The following C1orf35 variants were observed in gnomAD, a reference collection of about 807,000 sequenced individuals.
C1orf35 encodes the protein multiple myeloma tumor-associated protein 2.
A neutral mutation model predicts 30.9 loss-of-function variants in C1orf35; 36 were observed. The observed-to-expected ratio is 1.16, with a 90% confidence interval of 0.89 to 1.54. The LOEUF is 1.54. Among genes scored for constraint, C1orf35 ranks in the 40% most tolerant of loss-of-function variants. C1orf35 has a pLI of 0.00. For missense variants in C1orf35, 396 were observed against 358.7 expected (o/e 1.10, Z -0.84); for synonymous variants, 179 against 148.2 (o/e 1.21, Z -1.51).
chr1:228,103,069 G>T lies in C1orf35; in HGVS notation c.95-20C>A. On this transcript the variant is annotated intron_variant, in intron 1 of 7. Transcript: ENST00000272139. ...AGTTGCCTGCGGACGTAGACGCTGT[G>T]AGTCCAGCGCCCGCCCGGGATCCCG... 6.2e-7 allele frequency: 1 copy of T among 1,604,734 alleles called. No homozygotes were observed.
Position 228,102,990 on chromosome 1 carries a change from C to A in C1orf35, c.154G>T (p.Ala52Ser). 1 of 1,547,700 alleles carries A rather than the reference C, an allele frequency of 6.5e-7. No homozygotes were observed. Among genetic ancestry groups the A allele is most frequent in the Non-Finnish European group, 8.7e-7 (1 of 1,151,624 alleles). ...CCCGCGCATGGCGCCCGGCCCTTGG[C>A]GTACCAGGTGAGGTCGCGGCCCTTC... ...WQKGRDLTWY[A>S]KGRAPCAGPS... Residue 52 changes from alanine (A) to serine (S), a missense_variant, in exon 2 of 8, where the codon GCC (alanine) becomes TCC (serine). Ala to Ser is a moderately conservative substitution (Grantham distance 99). Coordinates refer to ENST00000272139, the MANE Select transcript of C1orf35 (RefSeq NM_024319.4).
At chr1:228,102,876 C>G in intron 2 of C1orf35, 23 bp downstream of exon 2, 2 of 1,391,336 alleles carry the variant, frequency 1.4e-6, no homozygotes, top group Non-Finnish European at 1.9e-6. Flanking sequence ...AGGCACCGAC[C>G]GCTGCCGTCC....
At chr1:228,101,970 G>A in intron 6 of C1orf35, 110 bp downstream of exon 6, 3 of 1,428,040 alleles carry the variant, frequency 2.1e-6, no homozygotes, top group Non-Finnish European at 2.7e-6. Context: ...CAGGCCACCC[G>A]CCGGGCCGGT....
At position 228,102,361 on chromosome 1, in the gene C1orf35, C is replaced by A. The variant is rs1332455621; in HGVS notation, c.396G>T (p.Ala132=). ...CGGCCTCCTTGTCCTCTCGGGACAT[C>A]GCCACGCGGCCCACGGAGCCACTGC... ...GSASGSVGRV[A]MSREDKEAAK... is the part of the protein sequence containing the mutation. Residue 132 remains alanine (A), a synonymous_variant, in exon 5 of 8, where the codon GCG becomes GCT. Coordinates refer to ENST00000272139, the MANE Select transcript of C1orf35 (RefSeq NM_024319.4). The A allele has an allele frequency of 6.2e-7, 1 of 1,611,152 alleles. No homozygotes were observed. The highest frequency in any genetic ancestry group is 1.1e-5 in the South Asian group (1 of 91,040).
chr1:228,103,222 G>A lies in C1orf35; in HGVS notation c.6C>T (p.Phe2=). 1 of 1,609,566 alleles carries A rather than the reference G, an allele frequency of 6.2e-7. No individual in the cohort carries two copies. Among genetic ancestry groups the A allele is most frequent in the Non-Finnish European group, 8.5e-7 (1 of 1,178,806 alleles). The change falls in exon 1 of 8, where the codon TTC becomes TTT. Residue 2 remains phenylalanine, a synonymous_variant. Coordinates refer to ENST00000272139, the MANE Select transcript of C1orf35 (RefSeq NM_024319.4). ...CGCGCACGCCTCCACGACTGGAGCC[G>A]AACATGGCGCCGGGAAGGCAGTTGC... M[F]GSSRGGVRGG...
chr1:228,102,803 T>TGGCCCC, intron 2 of C1orf35, 96 bp downstream of exon 2: 46 of 1,187,364 alleles, frequency 3.9e-5, no homozygotes, highest in Non-Finnish European at 5.1e-5. Context: ...GCAGCCCCGC[T>TGGCCCC]CCCGCCCAGC....
rs777130616 is a variant in C1orf35 at position 228,102,290 on chromosome 1, C to G, written c.447+20G>C. ...CACCCCTGTTAGCCCCTGCTGCGGT[C>G]AGGCGGGGCGGGGGATTACCGTGAA... On this transcript the variant is annotated intron_variant, in intron 5 of 7. Coordinates refer to ENST00000272139, the MANE Select transcript of C1orf35 (RefSeq NM_024319.4). 1 of 1,609,158 alleles carries G rather than the reference C, an allele frequency of 6.2e-7. No individual in the cohort carries two copies. Among genetic ancestry groups the G allele is most frequent in the Non-Finnish European group, 8.5e-7 (1 of 1,179,128 alleles).
chr1:228,101,221 G>A lies in C1orf35; in HGVS notation c.702C>T (p.Asn234=), dbSNP rs2032936369. 1.9e-6 allele frequency: 3 copies of A among 1,614,074 alleles called. No individual in the cohort carries two copies. The highest frequency in any genetic ancestry group is 2.5e-6 in the Non-Finnish European group (3 of 1,180,048). ...GCTTCCTCCTCTTACAGCAGGGGGA[G>A]TTGGAGTCGGAGTCATGGTGGTGGT... ...PRHHHHDSDS[N]SPCCKRRKRG... The change falls in exon 8 of 8, where the codon AAC becomes AAT. Residue 234 remains asparagine, a synonymous_variant. Coordinates refer to ENST00000272139, the MANE Select transcript of C1orf35 (RefSeq NM_024319.4).
Position 228,100,774 on chromosome 1 carries a change from A to T in C1orf35, c.*357T>A, listed in dbSNP as rs1454427190. On this transcript the variant is annotated 3_prime_UTR_variant, in exon 8 of 8. Transcript: ENST00000272139. ...TATTGAAATACAAAGAGTCAATATA[A>T]AGAAAAATAGAGGTCACCATACTTG... The T allele has an allele frequency of 1.3e-5, 3 of 234,110 alleles. No homozygotes were observed. The highest frequency in any genetic ancestry group is 6.7e-5 in the African/African-American group (3 of 44,470). 14.5% of individuals were successfully genotyped at this position (234,110 alleles called of 1,614,324 possible). A position where few individuals can be genotyped will look rare whatever the true frequency, so the allele number is the denominator to read the frequency against.
chr1:228,102,590 G>T, intron 3 of C1orf35, 30 bp from the exon 4 acceptor site: 2 of 1,578,216 alleles, frequency 1.3e-6, no homozygotes, highest in South Asian at 2.3e-5. Flanking sequence ...GGGAGCGCTC[G>T]AGTCGGCCCC....
chr1:228,103,278 G>T lies in C1orf35; in HGVS notation c.-51C>A, dbSNP rs1352376530. 1.9e-6 allele frequency: 3 copies of T among 1,589,278 alleles called. No individual in the cohort carries two copies. Among genetic ancestry groups the T allele is most frequent in the Admixed American group, 1.7e-5 (1 of 57,698 alleles). ...GCCTGCGGCTTGCAACCTGCAACCCGCAACCCGAGACCCGCTACCCACTAC... is the reference window on the plus strand; with the variant it reads ...GCCTGCGGCTTGCAACCTGCAACCCTCAACCCGAGACCCGCTACCCACTAC... On this transcript the variant is annotated 5_prime_UTR_variant, in exon 1 of 8. Coordinates refer to ENST00000272139, the MANE Select transcript of C1orf35 (RefSeq NM_024319.4).
At chr1:228,101,278 T>A in intron 7 of C1orf35, 24 bp from the exon 8 acceptor site, 2 of 1,614,082 alleles carry the variant, frequency 1.2e-6, no homozygotes, top group Non-Finnish European at 1.7e-6. Flanking sequence ...TGGCAGTCAG[T>A]CACTCGGAAG....
At chr1:228,102,260 C>CGCCCCACCCCTGTTA (rs764775944) in intron 5 of C1orf35, 50 bp downstream of exon 5, 1 of 1,593,662 alleles carries the variant, frequency 6.3e-7, no homozygotes, top group Non-Finnish European at 8.5e-7. Context: ...GCCCCCGCCC[C>CGCCCCACCCCTGTTA]GCCCCACCCC....
chr1:228,103,321 A>T lies in C1orf35; in HGVS notation c.-94T>A. On this transcript the variant is annotated 5_prime_UTR_variant, in exon 1 of 8. Transcript: ENST00000272139. The stretch of plus-strand genomic sequence containing the variant: ...CCCACTACCGTCGGACCCAGGCCCG[A>T]CCCCGCCTCCGCGTCGCGCGCCGTG... 7.1e-7 allele frequency: 1 copy of T among 1,417,474 alleles called. No homozygotes were observed. Among genetic ancestry groups the T allele is most frequent in the Non-Finnish European group, 9.4e-7 (1 of 1,059,804 alleles). The allele number at this position is 1,417,474 out of a possible 1,614,324, so 87.8% of individuals were successfully genotyped here.
chr1:228,102,729 C>A lies in C1orf35; in HGVS notation c.246-41G>T, dbSNP rs541821353. The A allele has an allele frequency of 9.5e-6, 15 of 1,586,498 alleles. No homozygotes were observed. The South Asian group carries it at 1.0e-4, about 11-fold the overall frequency. The stretch of plus-strand genomic sequence containing the variant: ...GGCAGGCGTCAGGACGGACGGACCT[C>A]CTCCCACCACAGGTCCTCACCACTC... On this transcript the variant is annotated intron_variant, in intron 2 of 7. Coordinates refer to ENST00000272139, the MANE Select transcript of C1orf35 (RefSeq NM_024319.4).
At chr1:228,102,237 A>G in intron 5 of C1orf35, 72 bp from the exon 6 acceptor site, 5 of 1,569,356 alleles carry the variant, frequency 3.2e-6, no homozygotes, top group Non-Finnish European at 4.3e-6. Flanking sequence ...CGCCCCGGGG[A>G]GCTCCGTTCA....
At chr1:228,102,194 G>A in intron 5 of C1orf35, 29 bp from the exon 6 acceptor site, 1 of 1,568,398 alleles carries the variant, frequency 6.4e-7, no homozygotes, top group Non-Finnish European at 8.6e-7. Flanking sequence ...CTGCGGAGGA[G>A]TCTGCGGGCC....
At chr1:228,102,801 G>GCGGCCCCCCCCC in intron 2 of C1orf35, 98 bp downstream of exon 2, 43 of 1,374,072 alleles carry the variant, frequency 3.1e-5, no homozygotes, top group Middle Eastern at 2.6e-4. Context: ...CCGCAGCCCC[G>GCGGCCCCCCCCC]CTCCCGCCCA....
At position 228,102,562 on chromosome 1, in the gene C1orf35, T is replaced by C; in HGVS notation, c.292-2A>G. The C allele has an allele frequency of 6.4e-7, 1 of 1,564,738 alleles. No homozygotes were observed. Among genetic ancestry groups the C allele is most frequent in the Non-Finnish European group, 8.6e-7 (1 of 1,158,454 alleles). ...CCGCTTGCAGACCTCCGCGAAGTCC[T>C]GCAGGTGCGAGAGCACAGGGAGCGC... On this transcript the variant is annotated splice_acceptor_variant, in intron 3 of 7. Coordinates refer to ENST00000272139, the MANE Select transcript of C1orf35 (RefSeq NM_024319.4). LOFTEE classifies it high-confidence loss of function.
Sources: gnomAD v4.1 joint callset for allele counts on GRCh38, gnomAD v4.1.1 for gene constraint, MANE v1.5 for transcripts, NCBI Gene and HGNC (gene_info 2026-07-23, HGNC 2026-07-21) for gene names.